The following TMEM87B variants were observed in gnomAD, a reference collection of about 807,000 sequenced individuals.
TMEM87B encodes transmembrane protein 87B.
A neutral mutation model predicts 80.3 loss-of-function variants in TMEM87B; 83 were observed. That is an observed-to-expected ratio of 1.03 (90% confidence interval 0.87 to 1.24). TMEM87B has a LOEUF of 1.24. Ranked by LOEUF, TMEM87B falls within the 50% of genes most tolerant of loss-of-function variation. The pLI is 0.00. For missense variants in TMEM87B, 625 were observed against 674.4 expected, an observed-to-expected ratio of 0.93 and a Z score of 0.81; for synonymous variants, 219 against 230.5, an observed-to-expected ratio of 0.95 and a Z score of 0.45.
intron 11 of TMEM87B, among the ~76,000 whole-genome samples, chr2:112,092,897 T>C (rs1679346783): frequency 6.6e-6 from 1 of 152,174 alleles, no homozygotes; most frequent in Non-Finnish European, 1.5e-5. Context: ...TCCCAGAACA[T>C]TCTTTGGATC....
intron 17 of TMEM87B, among the ~76,000 whole-genome samples, chr2:112,109,664 CTTTTTT>C (rs561752709): frequency 8.4e-4 from 39 of 46,348 alleles, no homozygotes; most frequent in Non-Finnish European, 9.4e-4. Flanking sequence ...TAAGTATGGT[CTTTTTT>C]TTTTTTTTTT....
rs1329151492 is a variant in TMEM87B at position 112,116,201 on chromosome 2, A to G, written c.*58A>G. The G allele has an allele frequency of 3.4e-6, 5 of 1,463,196 alleles. No homozygotes were observed. The highest frequency in any genetic ancestry group is 4.7e-6 in the Non-Finnish European group (5 of 1,065,560). The allele number at this position is 1,463,196 out of a possible 1,614,324, so 90.6% of individuals were successfully genotyped here. A position where few individuals can be genotyped will look rare whatever the true frequency, so the allele number is the denominator to read the frequency against. ...GAAGGACTATCCTTCATCAAGACTGAAAGTGAGCTTTGATTTGATATTGCC... is the reference window on the plus strand; with the variant it reads ...GAAGGACTATCCTTCATCAAGACTGGAAGTGAGCTTTGATTTGATATTGCC... On this transcript the variant is annotated 3_prime_UTR_variant, in exon 19 of 19. Transcript: ENST00000283206.
intron 17 of TMEM87B, 130 bp downstream of exon 17, chr2:112,107,970 T>C (rs904310534): frequency 2.2e-6 from 1 of 457,660 alleles, no homozygotes; most frequent in South Asian, 7.1e-5. Flanking sequence ...CTATCACCAG[T>C]ACATGGCCCT....
At chr2:112,073,963 C>G (rs551438677) in intron 4 of TMEM87B, among the ~76,000 whole-genome samples, 2 of 152,030 alleles carry the variant, frequency 1.3e-5, no homozygotes, top group Non-Finnish European at 2.9e-5. Context: ...TTTCTCCAAC[C>G]CTTTATTTTG....
intron 1 of TMEM87B, 89 bp downstream of exon 1, chr2:112,055,845 T>G (rs2104447876): frequency 7.2e-7 from 1 of 1,384,824 alleles, no homozygotes; most frequent in Non-Finnish European, 9.5e-7. Flanking sequence ...TTGTTCACCC[T>G]GCCTCTGCCG....
intron 4 of TMEM87B, among the ~76,000 whole-genome samples, chr2:112,069,198 CAAA>C (rs1280554360): frequency 6.4e-5 from 4 of 62,376 alleles, no homozygotes; most frequent in Non-Finnish European, 1.3e-4. Context: ...GACTCCGTCT[CAAA>C]AAAAAAAAAA....
intron 17 of TMEM87B, among the ~76,000 whole-genome samples, chr2:112,112,173 T>C (rs1679936925): frequency 6.6e-6 from 1 of 152,224 alleles, no homozygotes; most frequent in Non-Finnish European, 1.5e-5. Context: ...ACTTGGACAT[T>C]TCCTTCAGGC....
In TMEM87B at chr2:112,055,506, T is replaced by G; in HGVS notation, c.-86T>G. ...CCGAGTCCGAGCCCCGCGTCCCGGA[T>G]TCGGACCCGCCTGCCTGGGGCGGTG... On this transcript the variant is annotated 5_prime_UTR_variant, in exon 1 of 19. Coordinates refer to ENST00000283206, the MANE Select transcript of TMEM87B (RefSeq NM_032824.3). 1 of 1,369,234 alleles carries G rather than the reference T, an allele frequency of 7.3e-7. No homozygotes were observed. The highest frequency in any genetic ancestry group is 9.4e-7 in the Non-Finnish European group (1 of 1,059,100). The allele number at this position is 1,369,234 out of a possible 1,614,324, so 84.8% of individuals were successfully genotyped here. A position where few individuals can be genotyped will look rare whatever the true frequency, so the allele number is the denominator to read the frequency against.
intron 2 of TMEM87B, among the ~76,000 whole-genome samples, chr2:112,062,305 C>G (rs765326717): frequency 5.9e-5 from 9 of 152,178 alleles, no homozygotes; most frequent in Non-Finnish European, 1.3e-4. Flanking sequence ...CTGTCTCATT[C>G]AAGTCATGTG....
intron 3 of TMEM87B, among the ~76,000 whole-genome samples, chr2:112,066,241 A>T (rs1224132878): frequency 1.3e-5 from 2 of 152,164 alleles, no homozygotes; most frequent in African/African-American, 2.4e-5. Context: ...CTTTGTTAGC[A>T]TTCTACTATA....
chr2:112,068,156 G>A (rs1182193562), intron 4 of TMEM87B, among the ~76,000 whole-genome samples: 1 of 152,224 alleles, frequency 6.6e-6, no homozygotes, highest in African/African-American at 2.4e-5. Flanking sequence ...AGAGGTTGCA[G>A]TGAGCCGAGA....
At chr2:112,097,712 C>CAA (rs68175814) in intron 13 of TMEM87B, among the ~76,000 whole-genome samples, 181 of 57,042 alleles carry the variant, frequency 3.2e-3, no homozygotes, top group Non-Finnish European at 4.1e-3. Flanking sequence ...GACTCCATCT[C>CAA]AAAAAAAAAA....
chr2:112,059,837 T>C, intron 1 of TMEM87B, 140 bp from the exon 2 acceptor site: 2 of 1,141,662 alleles, frequency 1.8e-6, no homozygotes, highest in South Asian at 3.8e-5. Context: ...AGCAAGTTAG[T>C]GATGTGATCA....
intron 4 of TMEM87B, among the ~76,000 whole-genome samples, chr2:112,068,440 C>T (rs955392638): frequency 2.6e-5 from 4 of 152,182 alleles, no homozygotes; most frequent in South Asian, 4.1e-4. Flanking sequence ...CACAATGGCT[C>T]GCACCCATAA....
intron 3 of TMEM87B, among the ~76,000 whole-genome samples, chr2:112,064,796 T>C (rs754714864): frequency 2.6e-5 from 4 of 152,230 alleles, no homozygotes; most frequent in Non-Finnish European, 5.9e-5. Flanking sequence ...TTTCTCTTGA[T>C]GATTCTCGTG....
At chr2:112,100,931 C>G (rs528308103) in intron 15 of TMEM87B, among the ~76,000 whole-genome samples, 5 of 152,236 alleles carry the variant, frequency 3.3e-5, no homozygotes, top group Admixed American at 6.5e-5. Context: ...AATAGTTACA[C>G]TGTTTTTCAT....
intron 6 of TMEM87B, among the ~76,000 whole-genome samples, chr2:112,078,840 G>A (rs1033387374): frequency 7.9e-5 from 12 of 152,162 alleles, no homozygotes; most frequent in African/African-American, 1.4e-4. Context: ...ATAAGGTCCC[G>A]GTGAGATGAG....
At chr2:112,064,114 G>T in intron 2 of TMEM87B, 48 bp from the exon 3 acceptor site, 1 of 1,482,936 alleles carries the variant, frequency 6.7e-7, no homozygotes, top group South Asian at 1.2e-5. Context: ...GTTTATATTA[G>T]AGTGTATGTA....
At chr2:112,081,309 GA>G (rs1678990222) in intron 7 of TMEM87B, 25 bp from the exon 8 acceptor site, 1 of 1,573,494 alleles carries the variant, frequency 6.4e-7, no homozygotes, top group African/African-American at 1.4e-5. Context: ...AGGCTTAACT[GA>G]CTAAAATTGC....
Sources: gnomAD v4.1 joint callset for allele counts (sites outside exome capture counted in the v4.1 genomes callset) on GRCh38, gnomAD v4.1.1 for gene constraint, MANE v1.5 for transcripts, NCBI Gene and HGNC (gene_info 2026-07-23, HGNC 2026-07-21) for gene names.